Variants in NOMO1 observed in about 807,000 individuals in gnomAD.
The protein encoded by NOMO1 is NODAL modulator 1.
A neutral mutation model predicts 133.8 loss-of-function variants in NOMO1; 40 were observed. That is an observed-to-expected ratio of 0.30 (90% CI 0.23 to 0.39). The LOEUF (loss-of-function observed/expected upper bound fraction) is 0.39, where lower values mean the gene tolerates loss of function less well. Ranked by LOEUF, NOMO1 falls within the 10% of genes least tolerant of loss-of-function variation. The pLI, the probability that NOMO1 is intolerant of heterozygous loss-of-function variation, is 1.00. For missense variants in NOMO1, 462 were observed against 1,419.9 expected (o/e 0.33, Z 10.84); for synonymous variants, 236 against 570.5 (o/e 0.41, Z 8.36).
intron 27 of NOMO1, among the ~76,000 whole-genome samples, chr16:14,886,045 C>A (rs538300869): frequency 1.3e-5 from 2 of 152,084 alleles, no homozygotes; most frequent in East Asian, 3.9e-4. Context: ...GCGGCAGGTG[C>A]ACTGTGGCAT....
intron 5 of NOMO1, among the ~76,000 whole-genome samples, chr16:14,846,899 T>C (rs994906552): frequency 2.0e-5 from 3 of 149,154 alleles, no homozygotes; most frequent in African/African-American, 7.4e-5. Context: ...TGATTAAATA[T>C]GAGTTCATAC....
intron 11 of NOMO1, among the ~76,000 whole-genome samples, chr16:14,860,262 G>A (rs1022497209): frequency 1.3e-5 from 2 of 151,752 alleles, no homozygotes; most frequent in Admixed American, 1.3e-4. Flanking sequence ...CAGCAACTCA[G>A]GAGGCTGAGG....
intron 22 of NOMO1, among the ~76,000 whole-genome samples, chr16:14,878,447 T>C (rs1376952854): frequency 1.7e-5 from 2 of 120,560 alleles, no homozygotes; most frequent in Non-Finnish European, 3.3e-5. Context: ...TGAGCCCAGG[T>C]TGTGCCACTG....
chr16:14,868,506 C>T, intron 15 of NOMO1, 42 bp from the exon 16 acceptor site: 1 of 1,577,318 alleles, frequency 6.3e-7, no homozygotes, highest in Non-Finnish European at 8.7e-7. Flanking sequence ...CTTGGTGTCT[C>T]CATCTCTCTT....
chr16:14,859,456 T>C (rs1211132780), intron 11 of NOMO1, among the ~76,000 whole-genome samples: 2 of 151,928 alleles, frequency 1.3e-5, no homozygotes, highest in African/African-American at 4.8e-5. Flanking sequence ...TACCTAATAA[T>C]TAATCAAACT....
rs771878596 is a variant in NOMO1 at position 14,853,583 on chromosome 16, G to T, written c.852G>T (p.Leu284Phe). The T allele has an allele frequency of 1.9e-6, 3 of 1,610,968 alleles. No homozygotes were observed. Among genetic ancestry groups the T allele is most frequent in the South Asian group, 2.2e-5 (2 of 90,920 alleles). The stretch of plus-strand genomic sequence containing the variant: ...ATGGCTCGTTCTCTTTCTATTCCTT[G>T]CCAAGTGGGGGCTACACTGTGGTGA... ...REDGSFSFYS[L>F]PSGGYTVIPF... The change falls in exon 8 of 31, where the codon TTG (leucine) becomes TTT (phenylalanine). Residue 284 changes from leucine to phenylalanine, a missense_variant. Leu to Phe is a conservative substitution (Grantham distance 22). Coordinates refer to ENST00000287667, the MANE Select transcript of NOMO1 (RefSeq NM_014287.4).
intron 7 of NOMO1, among the ~76,000 whole-genome samples, 188 bp downstream of exon 7, chr16:14,852,770 G>A (rs1896795694): frequency 6.6e-6 from 1 of 151,370 alleles, no homozygotes; most frequent in Non-Finnish European, 1.5e-5. Flanking sequence ...GGAGGCCAAG[G>A]TGGGTGGATC....
chr16:14,875,314 A>T, intron 19 of NOMO1, 26 bp from the exon 20 acceptor site: 1 of 1,605,900 alleles, frequency 6.2e-7, no homozygotes, highest in Non-Finnish European at 8.5e-7. Context: ...AGGACCCGCC[A>T]AACTGAAGTA....
intron 15 of NOMO1, among the ~76,000 whole-genome samples, chr16:14,868,243 A>T (rs1347551243): frequency 4.4e-5 from 6 of 137,468 alleles, no homozygotes; most frequent in African/African-American, 1.1e-4. Context: ...TTATTTGTTG[A>T]TGCGTTGATT....
At position 14,864,903 on chromosome 16, in the gene NOMO1, T is replaced by G. The variant is rs1017550287; in HGVS notation, c.1538-121T>G. On this transcript the variant is annotated intron_variant, in intron 13 of 30. Coordinates refer to ENST00000287667, the MANE Select transcript of NOMO1 (RefSeq NM_014287.4). ...GCTTGAAAGAAGCACTCCGTCTGCC[T>G]CCGGCCACTGCCTCTTAGGAGCTCA... The G allele has an allele frequency of 1.3e-5, 18 of 1,374,584 alleles. 1 individual carries two copies. The highest frequency in any genetic ancestry group is 2.3e-5 in the East Asian group (1 of 43,732). The allele number at this position is 1,374,584 out of a possible 1,614,324, so 85.1% of individuals were successfully genotyped here. A position where few individuals can be genotyped will look rare whatever the true frequency, so the allele number is the denominator to read the frequency against.
At position 14,885,929 on chromosome 16, in the gene NOMO1, G is replaced by A. The variant is rs1278054201; in HGVS notation, c.3223-832G>A. Among the ~76,000 whole-genome samples the A allele has an allele frequency of 7.2e-5, 11 of 152,148 alleles. No individual in the cohort carries two copies. In the East Asian group the frequency reaches 9.6e-4, roughly 13 times the overall value. ...AGAACACATAAGGGATCTTCAATGC[G>A]ACCCATAACCTTCAGTCTGTGACTT... On this transcript the variant is annotated intron_variant, in intron 27 of 30. Transcript: ENST00000287667.
At chr16:14,867,163 TA>T (rs1964010381) in intron 15 of NOMO1, among the ~76,000 whole-genome samples, 9 of 23,154 alleles carry the variant, frequency 3.9e-4, no homozygotes, top group African/African-American at 7.6e-4. Context: ...TATATATATA[TA>T]TATATATATA....
At chr16:14,862,075 T>A (rs961869487) in intron 11 of NOMO1, among the ~76,000 whole-genome samples, 2 of 151,910 alleles carry the variant, frequency 1.3e-5, no homozygotes, top group African/African-American at 4.8e-5. Context: ...CTGTTTTTTT[T>A]ATTTGAGGCG....
chr16:14,843,750 C>T (rs1463567423), intron 3 of NOMO1, among the ~76,000 whole-genome samples: 20 of 132,498 alleles, frequency 1.5e-4, no homozygotes, highest in African/African-American at 4.4e-4. Context: ...TGTGCATGTA[C>T]GCGTGCAAGC....
chr16:14,858,906 G>T (rs1963882581), intron 11 of NOMO1, among the ~76,000 whole-genome samples: 1 of 151,942 alleles, frequency 6.6e-6, no homozygotes, highest in African/African-American at 2.4e-5. Context: ...GATATTTAGG[G>T]TGCCCAGCTT....
intron 23 of NOMO1, 130 bp downstream of exon 23, chr16:14,878,964 G>A (rs1356665965): frequency 9.4e-7 from 1 of 1,059,896 alleles, no homozygotes; most frequent in African/African-American, 1.6e-5. Context: ...CAGTTTCTTG[G>A]GGGCCCACGG....
At chr16:14,892,644 G>T (rs1964422542) in intron 29 of NOMO1, among the ~76,000 whole-genome samples, 1 of 150,930 alleles carries the variant, frequency 6.6e-6, no homozygotes, top group South Asian at 2.1e-4. Flanking sequence ...GCCTGCTGGG[G>T]CTTGGATTCC....
intron 15 of NOMO1, among the ~76,000 whole-genome samples, chr16:14,868,136 G>A (rs980985323): frequency 1.7e-5 from 2 of 119,152 alleles, no homozygotes; most frequent in Non-Finnish European, 3.5e-5. Flanking sequence ...ATGTGCCCTG[G>A]GACCAGCGAG....
chr16:14,845,735 G>T (rs1465353213), intron 4 of NOMO1, among the ~76,000 whole-genome samples: 1 of 151,794 alleles, frequency 6.6e-6, no homozygotes, highest in South Asian at 2.1e-4. Flanking sequence ...CCAGCTGTAT[G>T]TGTGGGCTTC....
Sources: gnomAD v4.1 joint callset for allele counts (sites outside exome capture counted in the v4.1 genomes callset) on GRCh38, gnomAD v4.1.1 for gene constraint, MANE v1.5 for transcripts, NCBI Gene and HGNC (gene_info 2026-07-23, HGNC 2026-07-21) for gene names.